Variants in TIMM44 observed in about 807,000 individuals in gnomAD.
TIMM44 encodes mitochondrial import inner membrane translocase subunit TIM44.
Under a neutral mutation model 63.8 loss-of-function variants are expected in TIMM44, and 37 were observed. That is an observed-to-expected ratio of 0.58 (90% CI 0.45 to 0.76). The LOEUF is 0.76. Ranked by LOEUF, TIMM44 falls within the 30% of genes least tolerant of loss-of-function variation. The pLI is 0.00. For synonymous variants in TIMM44, 239 were observed against 245.1 expected (o/e 0.98, Z 0.23); for missense variants, 573 against 603.8 (o/e 0.95, Z 0.54).
Position 7,933,769 on chromosome 19 carries a change from C to T in TIMM44, c.683+95G>A, listed in dbSNP as rs1480517900. 2.9e-5 allele frequency: 45 copies of T among 1,572,072 alleles called. No homozygotes were observed. Among genetic ancestry groups the T allele is most frequent in the Non-Finnish European group, 3.7e-5 (42 of 1,148,508 alleles). On this transcript the variant is annotated intron_variant, in intron 6 of 12. Coordinates refer to ENST00000270538, the MANE Select transcript of TIMM44 (RefSeq NM_006351.4). The surrounding 1 kb of genome is among the most constrained non-coding windows in gnomAD (Gnocchi z 4.3). The stretch of plus-strand genomic sequence containing the variant: ...TTGGGCAGAAGGCAAACTCAAGAAA[C>T]GGACTCAGGAGGGAACCATTGGTGG...
intron 3 of TIMM44, among the ~76,000 whole-genome samples, chr19:7,936,123 C>G (rs767437858): frequency 1.4e-4 from 22 of 152,202 alleles, no homozygotes; most frequent in Non-Finnish European, 2.6e-4. Flanking sequence ...CCACTGCACT[C>G]CAGCCAGGGT....
intron 2 of TIMM44, 140 bp downstream of exon 2, chr19:7,940,962 C>A (rs1984290998): frequency 1.4e-6 from 1 of 714,210 alleles, no homozygotes; most frequent in Non-Finnish European, 2.5e-6. Context: ...ATCTGTCATT[C>A]TGAAAGCCCC....
At chr19:7,936,814 T>C (rs74941572) in intron 3 of TIMM44, among the ~76,000 whole-genome samples, 5,305 of 151,634 alleles carry the variant, frequency 0.035, 285 homozygotes, top group African/African-American at 0.12. Context: ...TAAAAAGATA[T>C]ATAGGGCTGG....
intron 9 of TIMM44, 152 bp downstream of exon 9, chr19:7,932,475 A>G (rs117615039): frequency 0.023 from 24,594 of 1,084,510 alleles, 341 homozygotes; most frequent in Non-Finnish European, 0.028. Flanking sequence ...GGGCAGCTGC[A>G]GCCGGGCAGG....
intron 10 of TIMM44, 119 bp downstream of exon 10, chr19:7,931,019 C>T (rs1983965016): frequency 2.3e-6 from 2 of 871,042 alleles, no homozygotes; most frequent in Non-Finnish European, 3.7e-6. Context: ...GATTCCCCCA[C>T]CGGGAGCCCA....
intron 10 of TIMM44, 25 bp downstream of exon 10, chr19:7,931,113 A>G: frequency 6.2e-7 from 1 of 1,608,056 alleles, no homozygotes; most frequent in Non-Finnish European, 8.5e-7. Context: ...AAAAAAAAAA[A>G]AAGAAAAAGA....
Position 7,933,534 on chromosome 19 carries a change from C to T in TIMM44, c.720G>A (p.Lys240=), listed in dbSNP as rs1183014289. The change falls in exon 7 of 13, where the codon AAG becomes AAA. Residue 240 remains lysine, a synonymous_variant. Transcript: ENST00000270538. The surrounding 1 kb of genome is among the most constrained non-coding windows in gnomAD (Gnocchi z 4.3). ...ALGVVLHKDS[K]WYQQWKDFKE... is the part of the protein sequence containing the mutation. Reference sequence around the variant, plus strand: ...TGAAGTCCTTCCACTGCTGGTACCACTTGGAGTCCTTGTGCAGCACGACCC... The same window carrying T: ...TGAAGTCCTTCCACTGCTGGTACCATTTGGAGTCCTTGTGCAGCACGACCC... 2 of 1,614,126 alleles carry T rather than the reference C, an allele frequency of 1.2e-6. No homozygotes were observed. The highest frequency in any genetic ancestry group is 1.7e-5 in the Admixed American group (1 of 60,020).
chr19:7,936,923 A>T (rs868055287), intron 3 of TIMM44, among the ~76,000 whole-genome samples: 9 of 149,540 alleles, frequency 6.0e-5, no homozygotes, highest in Admixed American at 2.0e-4. Context: ...CAACATGGTG[A>T]AACCCTGTCT....
intron 3 of TIMM44, 87 bp from the exon 4 acceptor site, chr19:7,935,232 C>G (rs1391307087): frequency 3.4e-6 from 4 of 1,179,678 alleles, no homozygotes; most frequent in Middle Eastern, 4.3e-4. Flanking sequence ...GTGGCACGCT[C>G]TCGGCTCACT....
chr19:7,935,258 C>T, intron 3 of TIMM44, 113 bp from the exon 4 acceptor site: 3 of 979,956 alleles, frequency 3.1e-6, no homozygotes. Context: ...TTCCTCCTGC[C>T]AGATTCAAGC....
At chr19:7,927,348 G>A in intron 12 of TIMM44, 42 bp from the exon 13 acceptor site, 3 of 1,601,526 alleles carry the variant, frequency 1.9e-6, no homozygotes, top group Non-Finnish European at 2.5e-6. Flanking sequence ...GAGGGTTGAG[G>A]TGACCCAGGC....
chr19:7,927,942 T>G, intron 11 of TIMM44, 135 bp downstream of exon 11: 1 of 1,114,702 alleles, frequency 9.0e-7, no homozygotes, highest in Non-Finnish European at 1.3e-6. Context: ...CTCGAGACCC[T>G]CCCCTTGGAC....
chr19:7,927,567 C>T, intron 12 of TIMM44, 90 bp downstream of exon 12: 1 of 1,352,288 alleles, frequency 7.4e-7, no homozygotes, highest in Non-Finnish European at 1.1e-6. Context: ...AGCTTCAGGG[C>T]TCTGAGCTGG....
At chr19:7,928,495 A>G (rs952640427) in intron 10 of TIMM44, 3 of 341,480 alleles carry the variant, frequency 8.8e-6, no homozygotes, top group African/African-American at 6.3e-5. Flanking sequence ...TAATACTTCC[A>G]TATTCGCCGC....
chr19:7,937,823 G>A (rs2034962605), intron 3 of TIMM44: 1 of 559,350 alleles, frequency 1.8e-6, no homozygotes, highest in South Asian at 1.9e-5. Flanking sequence ...TTCGAGACCA[G>A]CCTGGCCAAC....
rs762936464 is a variant in TIMM44 at position 7,934,287 on chromosome 19, C to T, written c.394-49G>A. The stretch of plus-strand genomic sequence containing the variant: ...GGGCGTTGGCACCGGCCCTGGCGGC[C>T]GGGGGGCGGGGCAGGAGGAATGAAT... On this transcript the variant is annotated intron_variant, in intron 4 of 12. Transcript: ENST00000270538. The surrounding 1 kb of genome is among the most constrained non-coding windows in gnomAD (Gnocchi z 5.3). 30 of 1,602,164 alleles carry T rather than the reference C, an allele frequency of 1.9e-5. No individual in the cohort carries two copies. Among genetic ancestry groups the T allele is most frequent in the Middle Eastern group, 1.7e-4 (1 of 6,034 alleles).
In TIMM44 at chr19:7,933,856, G is replaced by T; in HGVS notation, c.683+8C>A. 6.2e-7 allele frequency: 1 copy of T among 1,614,026 alleles called. No homozygotes were observed. The highest frequency in any genetic ancestry group is 1.3e-5 in the African/African-American group (1 of 75,058). On this transcript the variant is annotated splice_region_variant and intron_variant, in intron 6 of 12. Coordinates refer to ENST00000270538, the MANE Select transcript of TIMM44 (RefSeq NM_006351.4). This position sits in a 1 kb window ranked among gnomAD's most constrained non-coding sequence, Gnocchi z 4.3. ...TGGGGGCAGCGAGGGCCACGGGCTG[G>T]TACCTACTCGTTTGGCTCAAACACT...
intron 2 of TIMM44, among the ~76,000 whole-genome samples, chr19:7,939,996 A>G (rs1034321547): frequency 8.5e-5 from 13 of 152,158 alleles, no homozygotes; most frequent in Non-Finnish European, 1.9e-4. Flanking sequence ...CAACTTTTCC[A>G]CAGCTGTGTT....
intron 3 of TIMM44, among the ~76,000 whole-genome samples, chr19:7,936,729 A>G (rs1984164734): frequency 6.6e-6 from 1 of 152,188 alleles, no homozygotes; most frequent in Non-Finnish European, 1.5e-5. Context: ...GCACTTTGGG[A>G]AGCTGAGACG....
Sources: gnomAD v4.1 joint callset for allele counts (sites outside exome capture counted in the v4.1 genomes callset) on GRCh38, gnomAD v4.1.1 for gene constraint, Gnocchi (gnomAD v3.1) non-coding constraint, MANE v1.5 for transcripts, NCBI Gene and HGNC (gene_info 2026-07-23, HGNC 2026-07-21) for gene names.